UBE2E1: variants seen among roughly 807,000 people sequenced by gnomAD.
The protein encoded by UBE2E1 is ubiquitin conjugating enzyme E2 E1, also known as ubiquitin-conjugating enzyme E2 E1.
A neutral mutation model predicts 21.4 loss-of-function variants in UBE2E1; 6 were observed. The ratio of observed to expected loss-of-function variants is 0.28; its 90% CI spans 0.15 to 0.55. The LOEUF (loss-of-function observed/expected upper bound fraction) is 0.55. Among genes scored for constraint, UBE2E1 ranks in the 20% least tolerant of loss-of-function variants. UBE2E1 has a pLI of 0.93. For missense variants in UBE2E1, 142 were observed against 236.5 expected, an observed-to-expected ratio of 0.60 and a Z score of 2.62; for synonymous variants, 87 against 82.7, an observed-to-expected ratio of 1.05 and a Z score of -0.28.
chr3:23,849,915 C>T (rs1371554586), intron 3 of UBE2E1, among the ~76,000 whole-genome samples: 1 of 152,054 alleles, frequency 6.6e-6, no homozygotes, highest in Non-Finnish European at 1.5e-5. Flanking sequence ...GGCTCTAGAT[C>T]CTTGAGGAAT....
rs1559482354 is a variant in UBE2E1, at chr3:23,842,201, GTGTGT to G, written c.203+30692_203+30696del. Among the ~76,000 whole-genome samples, 646 of 93,998 alleles carry G rather than the reference GTGTGT, an allele frequency of 6.9e-3. 6 individuals carry two copies. The highest frequency in any genetic ancestry group is 0.017 in the East Asian group (69 of 4,048). 61.7% of individuals were successfully genotyped at this position (93,998 alleles called of 152,430 possible). Reference sequence around the variant, plus strand: ...GTCATGACCCAGTAAGTGAAGGGGTGTGTGTGTGTGTGTGTGTGTGTGTGTGTGTG... The same window carrying G: ...GTCATGACCCAGTAAGTGAAGGGGTGGTGTGTGTGTGTGTGTGTGTGTGTG... On this transcript the variant is annotated intron_variant, in intron 3 of 5. Transcript: ENST00000306627. The surrounding 1 kb of genome is among the most constrained non-coding windows in gnomAD (Gnocchi z 4.6).
intron 3 of UBE2E1, among the ~76,000 whole-genome samples, chr3:23,834,574 GA>G (rs1275285329): frequency 2.0e-5 from 3 of 151,720 alleles, no homozygotes; most frequent in Non-Finnish European, 4.4e-5. Flanking sequence ...TTTAAAAAAT[GA>G]AAAAAAGGCC....
chr3:23,832,734 C>A (rs4535169), intron 3 of UBE2E1, among the ~76,000 whole-genome samples: 22,046 of 151,788 alleles, frequency 0.15, 2,453 homozygotes, highest in African/African-American at 0.3. Context: ...GACTTTGTCT[C>A]AAAAAAAGAA....
intron 3 of UBE2E1, among the ~76,000 whole-genome samples, chr3:23,885,169 T>C (rs898111295): frequency 6.6e-6 from 1 of 152,234 alleles, no homozygotes; most frequent in African/African-American, 2.4e-5. Context: ...TATCCTCATA[T>C]GGTAGAGAAA....
At chr3:23,812,742 C>G (rs2125280530) in intron 3 of UBE2E1, among the ~76,000 whole-genome samples, 1 of 152,234 alleles carries the variant, frequency 6.6e-6, no homozygotes, top group South Asian at 2.1e-4. Flanking sequence ...AAGACTTAGG[C>G]CTAACTCATT....
At chr3:23,835,425 C>T (rs1349621647) in intron 3 of UBE2E1, among the ~76,000 whole-genome samples, 1 of 151,986 alleles carries the variant, frequency 6.6e-6, no homozygotes, top group Non-Finnish European at 1.5e-5. Flanking sequence ...TAGGATCATG[C>T]CAGTACACTC....
At chr3:23,841,531 G>T (rs543853140) in intron 3 of UBE2E1, among the ~76,000 whole-genome samples, 4 of 152,244 alleles carry the variant, frequency 2.6e-5, no homozygotes, top group African/African-American at 9.6e-5. Context: ...TGTAATGGCC[G>T]CATTGTTAGA....
intron 3 of UBE2E1, among the ~76,000 whole-genome samples, chr3:23,861,302 G>A (rs998091629): frequency 6.6e-6 from 1 of 152,088 alleles, no homozygotes; most frequent in African/African-American, 2.4e-5. Context: ...TTCACTTATT[G>A]AAGGCTCTAA....
chr3:23,880,202 G>C (rs1248777656), intron 3 of UBE2E1, among the ~76,000 whole-genome samples: 3 of 152,204 alleles, frequency 2.0e-5, no homozygotes, highest in Non-Finnish European at 4.4e-5. Context: ...GGCCAACATG[G>C]TGAAACCCCA....
intron 3 of UBE2E1, among the ~76,000 whole-genome samples, chr3:23,851,548 A>G (rs1433118804): frequency 1.3e-5 from 2 of 152,078 alleles, no homozygotes; most frequent in Non-Finnish European, 2.9e-5. Context: ...TGCCTACTAT[A>G]TTCCCAGCAC....
At chr3:23,839,997 A>T (rs939447640) in intron 3 of UBE2E1, among the ~76,000 whole-genome samples, 1 of 152,072 alleles carries the variant, frequency 6.6e-6, no homozygotes, top group African/African-American at 2.4e-5. Context: ...ATTTGGAAAG[A>T]AAGTTTGTTT....
chr3:23,869,328 C>CT (rs1700726522), intron 3 of UBE2E1, among the ~76,000 whole-genome samples: 1 of 135,598 alleles, frequency 7.4e-6, no homozygotes. Flanking sequence ...CCCCTCCAAC[C>CT]TTTTTATAAA....
At chr3:23,850,837 C>CTTTTTTTTTTTTTTTTT (rs71057628) in intron 3 of UBE2E1, among the ~76,000 whole-genome samples, 1 of 128,414 alleles carries the variant, frequency 7.8e-6, no homozygotes, top group African/African-American at 2.9e-5. Flanking sequence ...CCACACCCAG[C>CTTTTTTTTTTTTTTTTT]TTTTTTTTTT....
chr3:23,885,438 CAGAGGG>C (rs1297234550), intron 3 of UBE2E1, among the ~76,000 whole-genome samples: 1 of 152,258 alleles, frequency 6.6e-6, no homozygotes, highest in East Asian at 1.9e-4. Context: ...TGCCTGTTTC[CAGAGGG>C]AGAGGGCTGA....
At chr3:23,822,699 C>G (rs530143828) in intron 3 of UBE2E1, among the ~76,000 whole-genome samples, 1 of 152,198 alleles carries the variant, frequency 6.6e-6, no homozygotes, top group African/African-American at 2.4e-5. Context: ...ATTTTACATG[C>G]TTTGATTTGC....
At chr3:23,814,880 C>T (rs1375626983) in intron 3 of UBE2E1, among the ~76,000 whole-genome samples, 1 of 152,322 alleles carries the variant, frequency 6.6e-6, no homozygotes, top group East Asian at 1.9e-4. Flanking sequence ...GAGTAAATGT[C>T]TCAGTGACTT....
intron 3 of UBE2E1, among the ~76,000 whole-genome samples, chr3:23,883,630 ATT>A (rs1467194723): frequency 6.6e-6 from 1 of 152,194 alleles, no homozygotes; most frequent in Non-Finnish European, 1.5e-5. Context: ...AAAACTTGAT[ATT>A]CAGGGCTGAG....
At chr3:23,879,458 C>G (rs1023486929) in intron 3 of UBE2E1, 6 of 420,634 alleles carry the variant, frequency 1.4e-5, no homozygotes, top group Non-Finnish European at 2.4e-5. Context: ...TGAAGGCCGA[C>G]TGGACAGGAT....
intron 5 of UBE2E1, chr3:23,889,782 AG>A (rs1450904505): frequency 1.0e-6 from 1 of 983,492 alleles, no homozygotes; most frequent in African/African-American, 1.7e-5. Flanking sequence ...CACAGCTACT[AG>A]GGTGGCTGAG....
Sources: gnomAD v4.1 joint callset for allele counts (sites outside exome capture counted in the v4.1 genomes callset) on GRCh38, gnomAD v4.1.1 for gene constraint, Gnocchi (gnomAD v3.1) non-coding constraint, MANE v1.5 for transcripts, NCBI Gene and HGNC (gene_info 2026-07-23, HGNC 2026-07-21) for gene names.